Variants in PTPRJ observed in about 807,000 individuals in gnomAD.
The protein encoded by PTPRJ is receptor-type tyrosine-protein phosphatase eta.
Under a neutral mutation model 141.3 loss-of-function variants are expected in PTPRJ, and 129 were observed. The observed-to-expected ratio is 0.91, with a 90% CI of 0.79 to 1.06. PTPRJ has a LOEUF of 1.06. Among genes scored for constraint, PTPRJ ranks in the 50% least tolerant of loss-of-function variants. The pLI, the probability that PTPRJ is intolerant of heterozygous loss-of-function variation, is 0.00. For synonymous variants in PTPRJ, 610 were observed against 640.5 expected, an observed-to-expected ratio of 0.95 and a Z score of 0.72; for missense variants, 1,601 against 1,679.7, an observed-to-expected ratio of 0.95 and a Z score of 0.82.
At chr11:48,040,290 T>C (rs147356140) in intron 1 of PTPRJ, among the ~76,000 whole-genome samples, 59 of 152,378 alleles carry the variant, frequency 3.9e-4, no homozygotes, top group Admixed American at 2.2e-3. Context: ...TGCGCGCACA[T>C]GCGTGTGCAC....
intron 16 of PTPRJ, 26 bp downstream of exon 16, chr11:48,149,514 AT>A (rs1288419874): frequency 1.3e-5 from 18 of 1,395,746 alleles, no homozygotes. Context: ...TATGAGCTTT[AT>A]TTTAAATCCT....
At chr11:48,053,430 AATAT>A (rs1480953498) in intron 1 of PTPRJ, among the ~76,000 whole-genome samples, 19 of 112,786 alleles carry the variant, frequency 1.7e-4, no homozygotes, top group East Asian at 2.2e-4. Context: ...ATATGTATAA[AATAT>A]ATATTATATA....
chr11:48,001,174 G>T (rs764671309), intron 1 of PTPRJ, among the ~76,000 whole-genome samples: 1 of 151,512 alleles, frequency 6.6e-6, no homozygotes, highest in African/African-American at 2.4e-5. Flanking sequence ...TTGTGTTTTC[G>T]TAGAAACAAG....
At chr11:48,136,383 T>G in intron 9 of PTPRJ, 87 bp downstream of exon 9, 1 of 1,493,094 alleles carries the variant, frequency 6.7e-7, no homozygotes, top group Non-Finnish European at 9.1e-7. Context: ...CCAGTGTGCT[T>G]CTGGGATCCA....
At chr11:48,136,416 G>A in intron 9 of PTPRJ, 120 bp downstream of exon 9, 1 of 1,259,376 alleles carries the variant, frequency 7.9e-7, no homozygotes, top group South Asian at 1.4e-5. Context: ...AACTGCTGAA[G>A]TTGAAAACAT....
At chr11:48,097,922 C>T (rs11039515) in intron 1 of PTPRJ, among the ~76,000 whole-genome samples, 101,648 of 151,980 alleles carry the variant, frequency 0.67, 35,621 homozygotes, top group East Asian at 0.81. Flanking sequence ...CACTCCGTCC[C>T]TAGAGAGCTC....
In PTPRJ at chr11:48,159,941, G is replaced by A. The variant is rs1223268131; in HGVS notation, c.3450G>A (p.Glu1150=). The A allele has an allele frequency of 6.2e-7, 1 of 1,613,866 alleles. No individual in the cohort carries two copies. Among genetic ancestry groups the A allele is most frequent in the Admixed American group, 1.7e-5 (1 of 60,008 alleles). ...CAATTTTGTTCTAGACCAAATGTGA[G>A]GAGTATTGGCCCTCCAAGCAGGCTC... ...KCVEQGRTKC[E]EYWPSKQAQD... Residue 1150 remains glutamate, a synonymous_variant, in exon 22 of 25, where the codon GAG becomes GAA. Transcript: ENST00000418331.
chr11:48,102,249 G>T (rs886342073), intron 1 of PTPRJ, among the ~76,000 whole-genome samples: 1 of 152,180 alleles, frequency 6.6e-6, no homozygotes, highest in Non-Finnish European at 1.5e-5. Context: ...TGTCCTCAGC[G>T]TTGGGGTGAC....
chr11:47,985,915 G>T (rs935530140), intron 1 of PTPRJ, among the ~76,000 whole-genome samples: 2 of 152,088 alleles, frequency 1.3e-5, no homozygotes, highest in Non-Finnish European at 2.9e-5. Flanking sequence ...TGACCAGGCT[G>T]GTCTTGAACT....
chr11:48,150,967 C>G (rs1202190045), intron 18 of PTPRJ, among the ~76,000 whole-genome samples: 1 of 152,240 alleles, frequency 6.6e-6, no homozygotes, highest in Non-Finnish European at 1.5e-5. Flanking sequence ...TCCCCTGTTG[C>G]TTGTTACCAA....
intron 1 of PTPRJ, among the ~76,000 whole-genome samples, chr11:48,095,563 G>A (rs1855980602): frequency 1.3e-5 from 2 of 149,438 alleles, no homozygotes; most frequent in African/African-American, 5.0e-5. Context: ...CAGCTATAAT[G>A]TTTATCAAAC....
At chr11:47,987,102 A>G (rs1206133134) in intron 1 of PTPRJ, among the ~76,000 whole-genome samples, 1 of 152,020 alleles carries the variant, frequency 6.6e-6, no homozygotes, top group African/African-American at 2.4e-5. Context: ...CACCTACTTG[A>G]GAGGCTGAGT....
At chr11:48,159,152 TG>T (rs1442998478) in intron 21 of PTPRJ, among the ~76,000 whole-genome samples, 2 of 150,268 alleles carry the variant, frequency 1.3e-5, no homozygotes, top group Non-Finnish European at 1.5e-5. Context: ...TGTGTGTGTG[TG>T]TGTGTGTGGT....
At chr11:48,101,854 ACT>A (rs934294846) in intron 1 of PTPRJ, among the ~76,000 whole-genome samples, 5 of 151,220 alleles carry the variant, frequency 3.3e-5, no homozygotes, top group African/African-American at 7.3e-5. Flanking sequence ...AAGAATTGAA[ACT>A]CTCTGCTCTT....
intron 1 of PTPRJ, among the ~76,000 whole-genome samples, chr11:47,996,385 G>T (rs979122196): frequency 6.6e-6 from 1 of 151,388 alleles, no homozygotes; most frequent in Admixed American, 6.6e-5. Context: ...CATGGGCTTT[G>T]GTGTCAGCAG....
rs1448884214 is a variant in PTPRJ, at chr11:47,998,754, G to A, written c.96+17746G>A. ...TCAACTACCAGTGATCATAAAGGATGCCTGCTTTGATGAGCTTTTCCAGGA... is the reference window on the plus strand; with the variant it reads ...TCAACTACCAGTGATCATAAAGGATACCTGCTTTGATGAGCTTTTCCAGGA... On this transcript the variant is annotated intron_variant, in intron 1 of 24. Coordinates refer to ENST00000418331, the MANE Select transcript of PTPRJ (RefSeq NM_002843.4). Among the ~76,000 whole-genome samples, 4 of 152,342 alleles carry A rather than the reference G, an allele frequency of 2.6e-5. No individual in the cohort carries two copies. In the East Asian group the frequency reaches 7.7e-4, roughly 29 times the overall value.
intron 1 of PTPRJ, among the ~76,000 whole-genome samples, chr11:48,074,233 C>T (rs573406760): frequency 2.0e-5 from 3 of 152,264 alleles, no homozygotes; most frequent in East Asian, 3.9e-4. Flanking sequence ...AAAGTGTTTA[C>T]AGGACTTTAA....
At chr11:48,053,818 G>A (rs776396070) in intron 1 of PTPRJ, among the ~76,000 whole-genome samples, 1 of 148,800 alleles carries the variant, frequency 6.7e-6, no homozygotes, top group Non-Finnish European at 1.5e-5. Flanking sequence ...CTCATGATCC[G>A]CCCACCTTGA....
intron 1 of PTPRJ, among the ~76,000 whole-genome samples, chr11:48,029,017 T>C (rs1267553589): frequency 6.6e-6 from 1 of 152,250 alleles, no homozygotes; most frequent in Admixed American, 6.5e-5. Flanking sequence ...GTATGTGCTG[T>C]GTGACACAGG....
Sources: allele counts gnomAD v4.1 joint callset (sites outside exome capture counted in the v4.1 genomes callset), GRCh38; gene constraint gnomAD v4.1.1; transcripts MANE v1.5; gene names NCBI Gene and HGNC (gene_info 2026-07-23, HGNC 2026-07-21).